The following RASAL2 variants were observed in gnomAD, a reference collection of about 807,000 sequenced individuals.
The protein encoded by RASAL2 is RAS protein activator like 2.
In RASAL2, 58 loss-of-function variants were observed where a neutral mutation model predicts 128.9. That is an observed-to-expected ratio of 0.45 (90% confidence interval 0.36 to 0.56). RASAL2 has a LOEUF of 0.56. RASAL2 is among the 20% of genes least tolerant of loss of function. The pLI is 0.00. For missense variants in RASAL2, 1,360 were observed against 1,601.6 expected, an observed-to-expected ratio of 0.85 and a Z score of 2.57; for synonymous variants, 561 against 580.8, an observed-to-expected ratio of 0.97 and a Z score of 0.49.
intron 1 of RASAL2, among the ~76,000 whole-genome samples, chr1:178,099,971 A>G (rs917492615): frequency 1.3e-5 from 2 of 152,054 alleles, no homozygotes; most frequent in African/African-American, 4.8e-5. Flanking sequence ...AAAAAAAAAC[A>G]AAATCATACC....
intron 1 of RASAL2, among the ~76,000 whole-genome samples, chr1:178,182,622 A>C (rs570670870): frequency 2.6e-5 from 4 of 151,984 alleles, no homozygotes; most frequent in Non-Finnish European, 4.4e-5. Flanking sequence ...GGATCATTCT[A>C]CCCTTCTCCC....
chr1:178,249,785 T>C (rs185633469), intron 1 of RASAL2, among the ~76,000 whole-genome samples: 3 of 152,318 alleles, frequency 2.0e-5, no homozygotes, highest in African/African-American at 7.2e-5. Flanking sequence ...GATTTTGATA[T>C]TGCTTCCTGT....
Position 178,443,225 on chromosome 1 carries a change from C to G in RASAL2, c.1478C>G (p.Ala493Gly). The change falls in exon 8 of 18, where the codon GCC (alanine) becomes GGC (glycine). Residue 493 changes from alanine (A) to glycine (G), a missense_variant. Ala to Gly is a moderately conservative substitution (Grantham distance 60). Transcript: ENST00000367649. ...LVHILQSTGR[A>G]KDFLTDLVMS... ...CACATTCTTCAAAGTACTGGCAGAG[C>G]CAAGGTAAGTGGAAAAGGGGGATTG... The G allele has an allele frequency of 6.3e-7, 1 of 1,598,924 alleles. No homozygotes were observed. The highest frequency in any genetic ancestry group is 8.6e-7 in the Non-Finnish European group (1 of 1,168,192).
At position 178,111,042 on chromosome 1, in the gene RASAL2, A is replaced by G. The variant is rs12022922; in HGVS notation, c.202+16348A>G. 2.0e-3 allele frequency among the ~76,000 whole-genome samples: 312 copies of G among 152,240 alleles called. 8 individuals are homozygous for G. The East Asian group carries it at 0.056, about 27-fold the overall frequency. On this transcript the variant is annotated intron_variant, in intron 1 of 17. Coordinates refer to ENST00000367649, the MANE Select transcript of RASAL2 (RefSeq NM_170692.4). Reference sequence around the variant, plus strand: ...AACTGTAAGTGGAATTGTATGATATATACTAATTTTTTGTTTGGCTTCTTT... The same window carrying G: ...AACTGTAAGTGGAATTGTATGATATGTACTAATTTTTTGTTTGGCTTCTTT...
intron 3 of RASAL2, among the ~76,000 whole-genome samples, chr1:178,366,339 A>G (rs1234431406): frequency 2.0e-5 from 3 of 152,162 alleles, no homozygotes; most frequent in Non-Finnish European, 1.5e-5. Flanking sequence ...ATCTACACCA[A>G]CTTTAGTTAT....
chr1:178,096,329 A>G (rs2102208327), intron 1 of RASAL2, among the ~76,000 whole-genome samples: 1 of 152,308 alleles, frequency 6.6e-6, no homozygotes, highest in African/African-American at 2.4e-5. Flanking sequence ...GTATTTCAGT[A>G]TCCAAAACAA....
At chr1:178,438,751 A>G (rs1676415753) in intron 5 of RASAL2, among the ~76,000 whole-genome samples, 1 of 151,852 alleles carries the variant, frequency 6.6e-6, no homozygotes, top group South Asian at 2.1e-4. Flanking sequence ...AAGGCATTTT[A>G]TTCTTTATTC....
intron 9 of RASAL2, among the ~76,000 whole-genome samples, chr1:178,448,180 CA>C (rs1235897722): frequency 6.6e-6 from 1 of 151,826 alleles, no homozygotes; most frequent in Non-Finnish European, 1.5e-5. Context: ...GAGAAGTGAT[CA>C]GAGAAAGAGA....
chr1:178,143,450 T>TA (rs1230565193), intron 1 of RASAL2, among the ~76,000 whole-genome samples: 1 of 151,756 alleles, frequency 6.6e-6, no homozygotes, highest in Admixed American at 6.6e-5. Flanking sequence ...GAAGCAGATT[T>TA]AAAAAAAACC....
intron 1 of RASAL2, among the ~76,000 whole-genome samples, chr1:178,152,929 T>C (rs1363015602): frequency 6.6e-6 from 1 of 152,222 alleles, no homozygotes; most frequent in African/African-American, 2.4e-5. Flanking sequence ...ATATCATTAT[T>C]ATATCCCTCC....
intron 1 of RASAL2, among the ~76,000 whole-genome samples, chr1:178,177,687 G>A (rs565813137): frequency 6.2e-4 from 94 of 152,212 alleles, no homozygotes; most frequent in African/African-American, 2.1e-3. Context: ...GAATGAAGAA[G>A]GATGATGTAT....
intron 5 of RASAL2, among the ~76,000 whole-genome samples, chr1:178,422,039 A>G (rs1228899892): frequency 1.3e-5 from 2 of 152,118 alleles, no homozygotes; most frequent in Non-Finnish European, 2.9e-5. Context: ...TAAGAACAAA[A>G]ATGTTGTGCA....
At chr1:178,466,957 G>A (rs1647771747) in intron 16 of RASAL2, among the ~76,000 whole-genome samples, 1 of 152,224 alleles carries the variant, frequency 6.6e-6, no homozygotes, top group Non-Finnish European at 1.5e-5. Flanking sequence ...AGTACTCATT[G>A]AGGAAACTTA....
At chr1:178,431,124 G>A (rs1353251738) in intron 5 of RASAL2, among the ~76,000 whole-genome samples, 1 of 151,820 alleles carries the variant, frequency 6.6e-6, no homozygotes, top group Non-Finnish European at 1.5e-5. Context: ...AGAAAATGTA[G>A]CTTATTTCTT....
intron 1 of RASAL2, among the ~76,000 whole-genome samples, chr1:178,141,392 A>G (rs1233632509): frequency 6.6e-6 from 1 of 151,726 alleles, no homozygotes; most frequent in Non-Finnish European, 1.5e-5. Flanking sequence ...TTTTTAGACT[A>G]ATTGGTATTT....
chr1:178,255,290 G>A (rs1665279409), intron 1 of RASAL2, among the ~76,000 whole-genome samples: 1 of 151,944 alleles, frequency 6.6e-6, no homozygotes, highest in Admixed American at 6.6e-5. Context: ...AGCTAATTAT[G>A]TAATTTTAAA....
rs73033404 is a variant in RASAL2, at chr1:178,207,949, G to A, written c.203-75615G>A. Among the ~76,000 whole-genome samples the A allele has an allele frequency of 2.8e-3, 432 of 152,282 alleles. 4 individuals carry two copies. Among genetic ancestry groups the A allele is most frequent in the African/African-American group, 9.7e-3 (402 of 41,552 alleles). ...ACGGACTGGCTGGAGCCACGGCAGAGGAATATGAATTGTGAAGATTTCATG... is the reference window on the plus strand; with the variant it reads ...ACGGACTGGCTGGAGCCACGGCAGAAGAATATGAATTGTGAAGATTTCATG... On this transcript the variant is annotated intron_variant, in intron 1 of 17. Transcript: ENST00000367649.
At position 178,438,881 on chromosome 1, in the gene RASAL2, CTGTGTGTGTGTG is replaced by C. The variant is rs3042589; in HGVS notation, c.675-501_675-490del. ...TGTGATAAAAAGTTGAGCTTCGACTCTGTGTGTGTGTGTGTGTGTGTGTGTGTGTGTGTGTGT... is the reference window on the plus strand; with the variant it reads ...TGTGATAAAAAGTTGAGCTTCGACTCTGTGTGTGTGTGTGTGTGTGTGTGT... On this transcript the variant is annotated intron_variant, in intron 5 of 17. Coordinates refer to ENST00000367649, the MANE Select transcript of RASAL2 (RefSeq NM_170692.4). 1.5e-3 allele frequency among the ~76,000 whole-genome samples: 196 copies of C among 129,462 alleles called. 1 individual carries two copies. Among genetic ancestry groups the C allele is most frequent in the African/African-American group, 3.6e-3 (132 of 36,542 alleles). 84.9% of individuals were successfully genotyped at this position (129,462 alleles called of 152,430 possible).
Position 178,331,420 on chromosome 1 carries a change from T to C in RASAL2, c.457+31302T>C, listed in dbSNP as rs1406844026. Among the ~76,000 whole-genome samples the C allele has an allele frequency of 2.0e-5, 3 of 152,236 alleles. No homozygotes were observed. The East Asian group carries it at 5.8e-4, about 29-fold the overall frequency. On this transcript the variant is annotated intron_variant, in intron 3 of 17. Coordinates refer to ENST00000367649, the MANE Select transcript of RASAL2 (RefSeq NM_170692.4). ...GCCCTTATAAAAATAAATTTATTTG[T>C]CAAGTTGTCTATTTTACTGTTATTT...
Sources: gnomAD v4.1 joint callset for allele counts (sites outside exome capture counted in the v4.1 genomes callset) on GRCh38, gnomAD v4.1.1 for gene constraint, MANE v1.5 for transcripts, NCBI Gene and HGNC (gene_info 2026-07-23, HGNC 2026-07-21) for gene names.